The following MCC variants were observed in gnomAD, a reference collection of about 807,000 sequenced individuals.
MCC encodes the protein MCC regulator of Wnt signaling pathway, also known as colorectal mutant cancer protein.
In MCC, 90 loss-of-function variants were observed where a neutral mutation model predicts 116.2. The observed-to-expected ratio is 0.77, with a 90% CI of 0.65 to 0.92. MCC has a LOEUF of 0.92. Ranked by LOEUF, MCC falls within the 40% of genes least tolerant of loss-of-function variation. The pLI is 0.00. For synonymous variants in MCC, 578 were observed against 510.5 expected (o/e 1.13, Z -1.78); for missense variants, 1,516 against 1,312.2 (o/e 1.16, Z -2.40).
At chr5:113,261,956 T>TA (rs914706249) in intron 3 of MCC, among the ~76,000 whole-genome samples, 1 of 152,024 alleles carries the variant, frequency 6.6e-6, no homozygotes, top group East Asian at 1.9e-4. Context: ...ACATTATTAA[T>TA]AAAAAAAATT....
chr5:113,275,662 A>T (rs1177377570), intron 3 of MCC, among the ~76,000 whole-genome samples: 2 of 152,224 alleles, frequency 1.3e-5, no homozygotes, highest in South Asian at 4.1e-4. Context: ...AAAAATAAGA[A>T]TACAAATAAA....
chr5:113,237,601 G>A (rs1217935319), intron 3 of MCC, among the ~76,000 whole-genome samples: 1 of 152,200 alleles, frequency 6.6e-6, no homozygotes, highest in Non-Finnish European at 1.5e-5. Flanking sequence ...GGCACTGGGA[G>A]GAAACACGGG....
intron 6 of MCC, among the ~76,000 whole-genome samples, chr5:113,115,098 C>T (rs1017553595): frequency 6.6e-6 from 1 of 152,252 alleles, no homozygotes; most frequent in Admixed American, 6.5e-5. Flanking sequence ...CACAGATCCT[C>T]CCCCCTGAGA....
chr5:113,295,126 G>T (rs572516025), intron 3 of MCC, among the ~76,000 whole-genome samples: 2 of 151,372 alleles, frequency 1.3e-5, no homozygotes, highest in South Asian at 4.2e-4. Flanking sequence ...AGTCCAGGAG[G>T]GGGAGTAGAA....
chr5:113,481,564 C>T (rs574658315), intron 1 of MCC, among the ~76,000 whole-genome samples: 53 of 151,958 alleles, frequency 3.5e-4, no homozygotes, highest in African/African-American at 1.3e-3. Flanking sequence ...TGGTGAAACC[C>T]CGTCTCTACT....
intron 8 of MCC, among the ~76,000 whole-genome samples, chr5:113,097,718 A>G (rs1756114517): frequency 6.6e-6 from 1 of 152,170 alleles, no homozygotes; most frequent in South Asian, 2.1e-4. Context: ...TAAGATCACA[A>G]CACTTACACT....
chr5:113,432,230 A>C (rs1770674884), intron 1 of MCC, among the ~76,000 whole-genome samples: 1 of 146,428 alleles, frequency 6.8e-6, no homozygotes, highest in South Asian at 2.4e-4. Flanking sequence ...AGGCAGGAGA[A>C]TTGCTTAACC....
At chr5:113,165,574 C>T (rs949940911) in intron 3 of MCC, among the ~76,000 whole-genome samples, 10 of 152,084 alleles carry the variant, frequency 6.6e-5, no homozygotes, top group East Asian at 3.8e-4. Context: ...ACCCTTCTGC[C>T]GTTACAGGGA....
chr5:113,458,345 G>T (rs573249453), intron 1 of MCC, among the ~76,000 whole-genome samples: 71 of 152,022 alleles, frequency 4.7e-4, no homozygotes, highest in African/African-American at 1.7e-3. Flanking sequence ...CTTAAGAGCT[G>T]TAACACTCAT....
intron 3 of MCC, among the ~76,000 whole-genome samples, chr5:113,265,098 T>G (rs1209505469): frequency 6.6e-6 from 1 of 152,164 alleles, no homozygotes; most frequent in African/African-American, 2.4e-5. Flanking sequence ...TGTCTGTGAC[T>G]TTTATCTTAC....
intron 5 of MCC, among the ~76,000 whole-genome samples, chr5:113,123,313 T>C (rs1272336594): frequency 1.3e-5 from 2 of 152,240 alleles, no homozygotes; most frequent in Admixed American, 6.5e-5. Flanking sequence ...GCACCTCATC[T>C]GTGCAGATCA....
chr5:113,255,900 C>T (rs186946228), intron 3 of MCC, among the ~76,000 whole-genome samples: 290 of 152,284 alleles, frequency 1.9e-3, no homozygotes, highest in Non-Finnish European at 2.4e-3. Context: ...TAATTTAGAT[C>T]CATCTGGTAG....
chr5:113,473,418 G>C (rs571855518), intron 1 of MCC, among the ~76,000 whole-genome samples: 1 of 152,198 alleles, frequency 6.6e-6, no homozygotes, highest in South Asian at 2.1e-4. Context: ...CAGCTACTTG[G>C]AAGCCTGATG....
At chr5:113,245,993 A>G (rs1764560232) in intron 3 of MCC, among the ~76,000 whole-genome samples, 1 of 152,244 alleles carries the variant, frequency 6.6e-6, no homozygotes, top group Admixed American at 6.5e-5. Flanking sequence ...ATCTTGTTAT[A>G]AAGGCTTTTG....
chr5:113,481,907 T>C (rs1772388805), intron 1 of MCC, among the ~76,000 whole-genome samples: 2 of 152,184 alleles, frequency 1.3e-5, no homozygotes, highest in African/African-American at 4.8e-5. Flanking sequence ...AGAAATCCTA[T>C]ACTCTTTAGC....
rs199688645 is a variant in MCC, at chr5:113,122,671, C to A, written c.1027+13G>T. The A allele has an allele frequency of 5.3e-5, 85 of 1,613,434 alleles. No individual in the cohort carries two copies. The Middle Eastern group carries it at 9.9e-4, about 19-fold the overall frequency. On this transcript the variant is annotated intron_variant, in intron 6 of 18. Transcript: ENST00000408903. ...CCAAACTCTGGCTTGGTGGCAAGGG[C>A]AGGCAGACTCACCCATGTCAGCAGT...
chr5:113,118,018 T>G (rs1404518084), intron 6 of MCC, among the ~76,000 whole-genome samples: 1 of 152,214 alleles, frequency 6.6e-6, no homozygotes, highest in Non-Finnish European at 1.5e-5. Context: ...AAGCCATCTA[T>G]AGAAACACAG....
chr5:113,186,454 A>G (rs1207764888), intron 3 of MCC, among the ~76,000 whole-genome samples: 1 of 152,214 alleles, frequency 6.6e-6, no homozygotes, highest in Non-Finnish European at 1.5e-5. Flanking sequence ...AAATGCGGTC[A>G]GCCTCCCTGT....
rs138055858 is a variant in MCC at position 113,443,144 on chromosome 5, T to C, written c.170+45101A>G. Among the ~76,000 whole-genome samples the C allele has an allele frequency of 1.5e-3, 222 of 150,180 alleles. 3 individuals are homozygous for C. The East Asian group carries it at 0.036, about 24-fold the overall frequency. ...TCCTATCCATGAGCATAGAATGTTT[T>C]TCCATTTGTTTGTGTCCTCTCATTT... On this transcript the variant is annotated intron_variant, in intron 1 of 18. Coordinates refer to ENST00000408903, the MANE Select transcript of MCC (RefSeq NM_001085377.2).
Sources: allele counts gnomAD v4.1 joint callset (sites outside exome capture counted in the v4.1 genomes callset), GRCh38; gene constraint gnomAD v4.1.1; transcripts MANE v1.5; gene names NCBI Gene and HGNC (gene_info 2026-07-23, HGNC 2026-07-21).